The following KICS2 variants were observed in gnomAD, a reference collection of about 807,000 sequenced individuals.
The protein encoded by KICS2 is KICSTOR complex protein C12orf66.
A neutral mutation model predicts 31.4 loss-of-function variants in KICS2; 13 were observed. The observed-to-expected ratio is 0.41, with a 90% CI of 0.27 to 0.66. The LOEUF (loss-of-function observed/expected upper bound fraction) is 0.66, where lower values mean the gene tolerates loss of function less well. Ranked by LOEUF, KICS2 falls within the 30% of genes least tolerant of loss-of-function variation. KICS2 has a pLI of 0.28. For missense variants in KICS2, 455 were observed against 545.4 expected (o/e 0.83, Z 1.65); for synonymous variants, 209 against 214.8 (o/e 0.97, Z 0.24).
chr12:64,215,684 C>G lies in KICS2; in HGVS notation c.515G>C (p.Ser172Thr). 1 of 1,612,636 alleles carries G rather than the reference C, an allele frequency of 6.2e-7. No homozygotes were observed. Among genetic ancestry groups the G allele is most frequent in the Non-Finnish European group, 8.5e-7 (1 of 1,179,566 alleles). Residue 172 changes from serine (S) to threonine (T), a missense_variant, in exon 2 of 3, where the codon AGC becomes ACC. Coordinates refer to ENST00000398055, the MANE Select transcript of KICS2 (RefSeq NM_152440.5). The stretch of plus-strand genomic sequence containing the variant: ...CCCTCCTCCCCACACTGACCTGGAG[C>G]TGTATTTTTTCATGATGGCATCCAA... ...GLLDAIMKKY[S>T]SRFHHPILSP...
At chr12:64,206,514 G>A (rs2037540239) in intron 2 of KICS2, among the ~76,000 whole-genome samples, 1 of 152,108 alleles carries the variant, frequency 6.6e-6, no homozygotes, top group African/African-American at 2.4e-5. Context: ...CATTTATTAT[G>A]AATAAAATAA....
At chr12:64,187,416 TA>T (rs1460275116), downstream of KICS2, 2 of 560,826 alleles carry the variant, frequency 3.6e-6, no homozygotes, top group Non-Finnish European at 6.2e-6. Flanking sequence ...ATTTTACACA[TA>T]CCCTACGGTT....
rs1227139477 is a variant in KICS2, at chr12:64,192,059, A to C, written c.*1783T>G. ...GACCCTGTCTCAAAAAAAAAAAAAA[A>C]AAAAAAGGAAAAACACATGTTCTTC... On this transcript the variant is annotated 3_prime_UTR_variant, in exon 3 of 3. Transcript: ENST00000398055. 1.3e-5 allele frequency: 2 copies of C among 151,014 alleles called. No homozygotes were observed. Among genetic ancestry groups the C allele is most frequent in the African/African-American group, 4.9e-5 (2 of 40,926 alleles). 9.4% of individuals were successfully genotyped at this position (151,014 alleles called of 1,614,324 possible). A position where few individuals can be genotyped will look rare whatever the true frequency, so the allele number is the denominator to read the frequency against.
At chr12:64,213,722 G>A (rs2037603921) in intron 2 of KICS2, among the ~76,000 whole-genome samples, 4 of 152,026 alleles carry the variant, frequency 2.6e-5, no homozygotes, top group Admixed American at 2.6e-4. Flanking sequence ...ATTTCCAAAT[G>A]CCTGCTAAAT....
rs1277968887 is a variant in KICS2 at position 64,191,373 on chromosome 12, TTA to T, written c.*2467_*2468del. The T allele has an allele frequency of 2.0e-5, 3 of 152,224 alleles. No homozygotes were observed. The highest frequency in any genetic ancestry group is 2.9e-5 in the Non-Finnish European group (2 of 68,044). 9.4% of individuals were successfully genotyped at this position (152,224 alleles called of 1,614,324 possible). The stretch of plus-strand genomic sequence containing the variant: ...CTGTTCTTTGAAATTCTTTTTGTGT[TTA>T]TGTTTAAAAATAGATATACAATTCA... On this transcript the variant is annotated 3_prime_UTR_variant, in exon 3 of 3. Transcript: ENST00000398055.
At position 64,194,103 on chromosome 12, in the gene KICS2, C is replaced by A. The variant is rs2037408659; in HGVS notation, c.1077G>T (p.Met359Ile). ...VVSLPSDRPV[M>I]HWPNVIMIMT... ...TGATCATGATGACATTGGGCCAGTG[C>A]ATGACTGGCCTGTCGCTGGGCAGAG... Residue 359 changes from methionine to isoleucine, a missense_variant, in exon 3 of 3, where the codon ATG (methionine) becomes ATT (isoleucine). Physicochemically the swap from Met to Ile is conservative, Grantham distance 10 (BLOSUM62 1). Transcript: ENST00000398055. The A allele has an allele frequency of 6.2e-7, 1 of 1,614,032 alleles. No individual in the cohort carries two copies. Among genetic ancestry groups the A allele is most frequent in the Admixed American group, 1.7e-5 (1 of 59,994 alleles).
At chr12:64,205,992 C>T (rs575999318) in intron 2 of KICS2, among the ~76,000 whole-genome samples, 1 of 152,278 alleles carries the variant, frequency 6.6e-6, no homozygotes, top group Admixed American at 6.5e-5. Context: ...CTGAACAGCT[C>T]AATGCAGCCT....
intron 2 of KICS2, among the ~76,000 whole-genome samples, chr12:64,201,461 G>C (rs1176065909): frequency 3.3e-5 from 3 of 91,366 alleles, no homozygotes; most frequent in Non-Finnish European, 4.2e-5. Context: ...GTTGTGGGGT[G>C]GGGGGAGGGG....
intron 2 of KICS2, among the ~76,000 whole-genome samples, chr12:64,201,282 A>C (rs2037485180): frequency 8.1e-6 from 1 of 123,166 alleles, no homozygotes; most frequent in Non-Finnish European, 1.7e-5. Flanking sequence ...GCCATAAAAA[A>C]TGATGAGTTC....
chr12:64,220,792 C>T (rs1168428033), intron 1 of KICS2, among the ~76,000 whole-genome samples: 3 of 151,984 alleles, frequency 2.0e-5, no homozygotes, highest in Non-Finnish European at 4.4e-5. Context: ...ATTTTGGTTT[C>T]GACTCTATCA....
chr12:64,197,050 C>A (rs2037447482), intron 2 of KICS2, among the ~76,000 whole-genome samples: 1 of 100,954 alleles, frequency 9.9e-6, no homozygotes, highest in Non-Finnish European at 2.0e-5. Flanking sequence ...AGGAGAACTT[C>A]CCCAATCTAG....
intron 2 of KICS2, among the ~76,000 whole-genome samples, chr12:64,210,079 T>G (rs1261445442): frequency 6.6e-6 from 1 of 152,216 alleles, no homozygotes; most frequent in Non-Finnish European, 1.5e-5. Context: ...AAAATCATGT[T>G]AGTTGATACA....
At chr12:64,186,581 T>C (rs762535784), downstream of KICS2, 9 of 152,206 alleles carry the variant, frequency 5.9e-5, no homozygotes, top group Non-Finnish European at 8.8e-5. Context: ...CAATACATAA[T>C]AAAATGCTTC....
chr12:64,208,739 G>A (rs2037560750), intron 2 of KICS2, among the ~76,000 whole-genome samples: 1 of 151,968 alleles, frequency 6.6e-6, no homozygotes, highest in South Asian at 2.1e-4. Flanking sequence ...ATTTTTTAAT[G>A]TTATTTAAAT....
At chr12:64,214,839 C>T (rs182776719) in intron 2 of KICS2, among the ~76,000 whole-genome samples, 3 of 152,112 alleles carry the variant, frequency 2.0e-5, no homozygotes, top group Admixed American at 1.3e-4. Flanking sequence ...ATGCCCTCCT[C>T]CACTAAGAAT....
Position 64,191,942 on chromosome 12 carries a change from A to T in KICS2, c.*1900T>A, listed in dbSNP as rs1376719103. 6.9e-6 allele frequency: 1 copy of T among 145,386 alleles called. No homozygotes were observed. Among genetic ancestry groups the T allele is most frequent in the Non-Finnish European group, 1.5e-5 (1 of 66,534 alleles). 9.0% of individuals were successfully genotyped at this position (145,386 alleles called of 1,614,324 possible). ...ATGCCTGTAATCCCACCTACTCGGG[A>T]TGCTGATGTGGGAGGATCACTTGAG... On this transcript the variant is annotated 3_prime_UTR_variant, in exon 3 of 3. Transcript: ENST00000398055.
chr12:64,209,961 T>C (rs1454204716), intron 2 of KICS2, among the ~76,000 whole-genome samples: 1 of 152,158 alleles, frequency 6.6e-6, no homozygotes, highest in African/African-American at 2.4e-5. Flanking sequence ...TACCAAAATA[T>C]GAATTATTTC....
intron 2 of KICS2, among the ~76,000 whole-genome samples, chr12:64,207,301 C>CAAAAAAAAAAA (rs35532711): frequency 3.5e-5 from 2 of 57,344 alleles, no homozygotes; most frequent in Non-Finnish European, 3.2e-5. Context: ...CAACTCGTCT[C>CAAAAAAAAAAA]AAAAAAAAAA....
intron 2 of KICS2, among the ~76,000 whole-genome samples, chr12:64,204,225 G>A (rs544821475): frequency 2.0e-5 from 3 of 152,284 alleles, no homozygotes; most frequent in South Asian, 4.1e-4. Flanking sequence ...GGAGGTGCCA[G>A]GGAGAGCATT....
Sources: allele counts gnomAD v4.1 joint callset (sites outside exome capture counted in the v4.1 genomes callset), GRCh38; gene constraint gnomAD v4.1.1; transcripts MANE v1.5; gene names NCBI Gene and HGNC (gene_info 2026-07-23, HGNC 2026-07-21).